SLC17A5: variants seen among roughly 807,000 people sequenced by gnomAD.
SLC17A5 encodes the protein solute carrier family 17 member 5, also known as sialin.
SLC17A5 carries 47 observed loss-of-function variants against 59.4 expected under a neutral mutation model. That is an observed-to-expected ratio of 0.79 (90% CI 0.63 to 1.01). The LOEUF (loss-of-function observed/expected upper bound fraction) is 1.01, where lower values mean the gene tolerates loss of function less well. SLC17A5 is among the 50% of genes least tolerant of loss of function. The probability of loss-of-function intolerance (pLI) is 0.00; values close to 1 mark genes in which losing one functional copy is unlikely to be tolerated. For missense variants in SLC17A5, 522 were observed against 595.5 expected (o/e 0.88, Z 1.28); for synonymous variants, 202 against 210.7 (o/e 0.96, Z 0.36).
chr6:73,617,141 AT>A (rs1336155620), intron 7 of SLC17A5, among the ~76,000 whole-genome samples: 1 of 151,946 alleles, frequency 6.6e-6, no homozygotes, highest in African/African-American at 2.4e-5. Context: ...AATACAAAAA[AT>A]TAGCTGGGCA....
intron 1 of SLC17A5, among the ~76,000 whole-genome samples, chr6:73,650,943 AAGAC>A (rs1769830825): frequency 2.0e-5 from 3 of 152,340 alleles, no homozygotes; most frequent in South Asian, 4.1e-4. Context: ...GACGGTAATT[AAGAC>A]AGACAGACTC....
chr6:73,609,078 G>A (rs542019170), intron 9 of SLC17A5, among the ~76,000 whole-genome samples: 1 of 152,180 alleles, frequency 6.6e-6, no homozygotes, highest in East Asian at 1.9e-4. Context: ...GATTCTGTAG[G>A]AGTCCAGGTG....
At chr6:73,612,369 G>A (rs917201381) in intron 8 of SLC17A5, among the ~76,000 whole-genome samples, 2 of 151,916 alleles carry the variant, frequency 1.3e-5, no homozygotes, top group Non-Finnish European at 2.9e-5. Context: ...GGCCAGCCTG[G>A]TTTTGAGCTC....
At chr6:73,607,664 G>A (rs989955511) in intron 9 of SLC17A5, among the ~76,000 whole-genome samples, 8 of 152,046 alleles carry the variant, frequency 5.3e-5, no homozygotes, top group Non-Finnish European at 7.4e-5. Context: ...ATTCTAATAA[G>A]ACTTCAGGAA....
At chr6:73,640,166 T>TC (rs1262449789) in intron 3 of SLC17A5, among the ~76,000 whole-genome samples, 2 of 152,316 alleles carry the variant, frequency 1.3e-5, no homozygotes, top group East Asian at 3.9e-4. Flanking sequence ...AATATGGGAA[T>TC]ACATTCAGCA....
intron 6 of SLC17A5, among the ~76,000 whole-genome samples, chr6:73,626,114 T>G (rs1438892580): frequency 6.6e-6 from 1 of 152,242 alleles, no homozygotes; most frequent in Non-Finnish European, 1.5e-5. Flanking sequence ...TTCTGAAGAA[T>G]GTACCCTACC....
chr6:73,633,215 C>G (rs1768847245), intron 6 of SLC17A5, among the ~76,000 whole-genome samples: 2 of 147,520 alleles, frequency 1.4e-5, no homozygotes, highest in Non-Finnish European at 3.0e-5. Flanking sequence ...GACTCAGACC[C>G]AAGTAACCTT....
At chr6:73,604,224 G>A (rs539607783) in intron 9 of SLC17A5, among the ~76,000 whole-genome samples, 2 of 152,030 alleles carry the variant, frequency 1.3e-5, no homozygotes, top group East Asian at 3.9e-4. Flanking sequence ...CAGATATTAA[G>A]TGCAGACGAA....
At chr6:73,601,895 G>T (rs1209868106) in intron 9 of SLC17A5, among the ~76,000 whole-genome samples, 2 of 151,890 alleles carry the variant, frequency 1.3e-5, no homozygotes, top group African/African-American at 4.8e-5. Context: ...CTACTGGGAA[G>T]TGAGGAGCCC....
At position 73,596,700 on chromosome 6, in the gene SLC17A5, T is replaced by G. The variant is rs1411028405; in HGVS notation, c.1351-1486A>C. 2.0e-5 allele frequency among the ~76,000 whole-genome samples: 3 copies of G among 150,110 alleles called. No individual in the cohort carries two copies. The East Asian group carries it at 5.9e-4, about 30-fold the overall frequency. On this transcript the variant is annotated intron_variant, in intron 10 of 10. Coordinates refer to ENST00000355773, the MANE Select transcript of SLC17A5 (RefSeq NM_012434.5). ...TGAAACCCCGTCTTTACTAAAAAAA[T>G]AAAAAATTAGCCGGGCGTGGTGGCT...
chr6:73,637,048 T>A (rs907272905), intron 4 of SLC17A5, among the ~76,000 whole-genome samples: 7 of 150,674 alleles, frequency 4.6e-5, no homozygotes, highest in Admixed American at 4.0e-4. Flanking sequence ...ATTGTGCCAC[T>A]GCCTTCCAGC....
chr6:73,614,541 C>A (rs991784781), intron 8 of SLC17A5, among the ~76,000 whole-genome samples: 1 of 152,178 alleles, frequency 6.6e-6, no homozygotes, highest in Admixed American at 6.5e-5. Context: ...CAATTGGTGG[C>A]TGGGGGTCCC....
At chr6:73,612,733 C>A (rs1767686178) in intron 8 of SLC17A5, among the ~76,000 whole-genome samples, 1 of 152,230 alleles carries the variant, frequency 6.6e-6, no homozygotes, top group South Asian at 2.1e-4. Context: ...TACCATCATG[C>A]CTAACTGATT....
intron 9 of SLC17A5, among the ~76,000 whole-genome samples, chr6:73,607,230 A>G (rs549527032): frequency 2.0e-5 from 3 of 151,382 alleles, no homozygotes; most frequent in African/African-American, 7.3e-5. Context: ...TACCATGGAT[A>G]TTTGGTTTTC....
intron 9 of SLC17A5, among the ~76,000 whole-genome samples, chr6:73,605,016 G>A (rs1413720695): frequency 6.6e-6 from 1 of 152,000 alleles, no homozygotes; most frequent in Non-Finnish European, 1.5e-5. Context: ...TTAAAATTTT[G>A]TTAAGTTTTT....
At position 73,593,820 on chromosome 6, in the gene SLC17A5, T is replaced by A. The variant is rs1338817523; in HGVS notation, c.*1257A>T. The A allele has an allele frequency of 6.6e-6, 1 of 151,928 alleles. No individual in the cohort carries two copies. The highest frequency in any genetic ancestry group is 1.5e-5 in the Non-Finnish European group (1 of 67,982). 9.4% of individuals were successfully genotyped at this position (151,928 alleles called of 1,614,324 possible). On this transcript the variant is annotated 3_prime_UTR_variant, in exon 11 of 11. Transcript: ENST00000355773. ...TGGCTCATGCCTGTAGTCTCAACAC[T>A]TTGTGAGGCCGAGACAGGAGGATCG...
chr6:73,629,212 A>G (rs569628504), intron 6 of SLC17A5, among the ~76,000 whole-genome samples: 1 of 152,024 alleles, frequency 6.6e-6, no homozygotes, highest in Non-Finnish European at 1.5e-5. Context: ...ACATGGCAAA[A>G]CCCTGTCTCT....
chr6:73,595,385 G>A (rs927602727), intron 10 of SLC17A5, among the ~76,000 whole-genome samples, 171 bp from the exon 11 acceptor site: 3 of 152,134 alleles, frequency 2.0e-5, no homozygotes, highest in Non-Finnish European at 2.9e-5. Flanking sequence ...TTTGTTCAAC[G>A]TAATACAATA....
intron 1 of SLC17A5, among the ~76,000 whole-genome samples, chr6:73,647,894 C>T (rs1581992852): frequency 1.3e-5 from 2 of 152,098 alleles, no homozygotes; most frequent in Admixed American, 6.6e-5. Flanking sequence ...CAAGGTGAAA[C>T]CCCGTCTCTA....
Sources: allele counts gnomAD v4.1 joint callset (sites outside exome capture counted in the v4.1 genomes callset), GRCh38; gene constraint gnomAD v4.1.1; transcripts MANE v1.5; gene names NCBI Gene and HGNC (gene_info 2026-07-23, HGNC 2026-07-21).